Variants in CD36 observed in about 807,000 individuals in gnomAD.
CD36 encodes the protein platelet glycoprotein 4.
A neutral mutation model predicts 55.2 loss-of-function variants in CD36; 119 were observed. That is an observed-to-expected ratio of 2.15 (90% confidence interval 1.86 to 2.51). The LOEUF (loss-of-function observed/expected upper bound fraction) is 2.51. Ranked by LOEUF, CD36 falls within the 30% of genes most tolerant of loss-of-function variation. The pLI is 0.00. For missense variants in CD36, 819 were observed against 555.5 expected, an observed-to-expected ratio of 1.47 and a Z score of -4.77; for synonymous variants, 186 against 193.6, an observed-to-expected ratio of 0.96 and a Z score of 0.33.
intron 5 of CD36, chr7:80,662,585 CTTT>C (rs34614420): frequency 4.8e-4 from 94 of 197,106 alleles, no homozygotes; most frequent in Middle Eastern, 2.2e-3. Context: ...AGACTTATGG[CTTT>C]TTTTTTTTTT....
At chr7:80,666,877 A>G (rs1157729248) in intron 8 of CD36, among the ~76,000 whole-genome samples, 1 of 152,242 alleles carries the variant, frequency 6.6e-6, no homozygotes, top group African/African-American at 2.4e-5. Context: ...TAATTACAAA[A>G]TAGAAAACAT....
intron 3 of CD36, among the ~76,000 whole-genome samples, chr7:80,654,836 T>C (rs1795921099): frequency 6.7e-6 from 1 of 149,668 alleles, no homozygotes; most frequent in African/African-American, 2.5e-5. Context: ...CATGAAGATA[T>C]GAAACTTAAT....
chr7:80,673,606 A>AAAATGCATCTATTAAACAC, intron 13 of CD36, 197 bp downstream of exon 13: 1 of 572,784 alleles, frequency 1.7e-6, no homozygotes, highest in Non-Finnish European at 3.1e-6. Flanking sequence ...ATTTTCTTCA[A>AAAATGCATCTATTAAACAC]AAATGCATCT....
intron 1 of CD36, chr7:80,639,857 C>A (rs1484934388): frequency 1.3e-5 from 2 of 151,874 alleles, no homozygotes; most frequent in South Asian, 4.1e-4. Context: ...CATTAGTGAA[C>A]CAGAACAATA....
intron 1 of CD36, among the ~76,000 whole-genome samples, chr7:80,644,117 T>C (rs3212163): frequency 0.14 from 21,527 of 152,174 alleles, 2,255 homozygotes; most frequent in East Asian, 0.33. Context: ...AAATTCTATT[T>C]GACAATATCC....
chr7:80,647,732 A>G lies in CD36; in HGVS notation c.120+872A>G, dbSNP rs1315129527. The stretch of plus-strand genomic sequence containing the variant: ...AAATTTAAGGTGCCAAGAACAAGAT[A>G]AAATGAAGAACAGGAACTGCTGTGA... On this transcript the variant is annotated intron_variant, in intron 3 of 14. Transcript: ENST00000447544. 1.3e-5 allele frequency among the ~76,000 whole-genome samples: 2 copies of G among 152,198 alleles called. 1 individual carries two copies.
chr7:80,606,561 T>C (rs1792560443), intron 1 of CD36, among the ~76,000 whole-genome samples: 1 of 152,218 alleles, frequency 6.6e-6, no homozygotes, highest in Non-Finnish European at 1.5e-5. Flanking sequence ...CCAGTCTGCA[T>C]GCAAAACTTA....
At chr7:80,652,331 A>G (rs565908917) in intron 3 of CD36, among the ~76,000 whole-genome samples, 88 of 152,262 alleles carry the variant, frequency 5.8e-4, no homozygotes, top group Admixed American at 1.1e-3. Context: ...GTACTTACAT[A>G]AATTCTTGGA....
intron 1 of CD36, among the ~76,000 whole-genome samples, chr7:80,621,832 G>A (rs1207881213): frequency 6.6e-6 from 1 of 152,184 alleles, no homozygotes; most frequent in African/African-American, 2.4e-5. Context: ...ATAGTGGCAG[G>A]TCCCCACTGA....
intron 1 of CD36, among the ~76,000 whole-genome samples, chr7:80,609,371 G>T (rs1228249039): frequency 6.6e-6 from 1 of 152,078 alleles, no homozygotes; most frequent in African/African-American, 2.4e-5. Context: ...TCTGTACCCG[G>T]AGCTGTACAA....
At chr7:80,621,485 G>A (rs904884977) in intron 1 of CD36, among the ~76,000 whole-genome samples, 9 of 152,104 alleles carry the variant, frequency 5.9e-5, no homozygotes, top group Non-Finnish European at 1.0e-4. Flanking sequence ...TAGCTGACTC[G>A]TGGTAATAGG....
intron 5 of CD36, 58 bp downstream of exon 5, chr7:80,661,268 A>G: frequency 6.9e-7 from 1 of 1,447,674 alleles, no homozygotes; most frequent in Middle Eastern, 1.8e-4. Context: ...TCATGTAATT[A>G]ATCCTATCAT....
intron 3 of CD36, among the ~76,000 whole-genome samples, chr7:80,649,593 T>C (rs989823804): frequency 1.3e-5 from 2 of 152,048 alleles, no homozygotes; most frequent in African/African-American, 4.8e-5. Context: ...CAGTGAGTTA[T>C]TGATAGAAGG....
intron 5 of CD36, among the ~76,000 whole-genome samples, chr7:80,661,776 C>T (rs918232829): frequency 6.6e-6 from 1 of 152,132 alleles, no homozygotes; most frequent in African/African-American, 2.4e-5. Context: ...GGAATCACAA[C>T]TGTCAATATA....
intron 1 of CD36, among the ~76,000 whole-genome samples, chr7:80,606,616 A>T (rs1792563446): frequency 6.6e-6 from 1 of 152,152 alleles, no homozygotes; most frequent in South Asian, 2.1e-4. Flanking sequence ...TCTTTGCCGC[A>T]TGTACTGAGT....
upstream of CD36, among the ~76,000 whole-genome samples, chr7:80,634,612 T>C (rs542236329): frequency 2.6e-5 from 4 of 152,168 alleles, no homozygotes; most frequent in South Asian, 6.2e-4. Flanking sequence ...ACACGGGCCA[T>C]GTGATTCCTC....
rs910587488 is a variant in CD36, at chr7:80,677,906, T to C, written c.*1523T>C. 6.6e-6 allele frequency: 1 copy of C among 152,182 alleles called. No homozygotes were observed. Among genetic ancestry groups the C allele is most frequent in the Non-Finnish European group, 1.5e-5 (1 of 68,030 alleles). The allele number at this position is 152,182 out of a possible 1,614,324, so 9.4% of individuals were successfully genotyped here. On this transcript the variant is annotated 3_prime_UTR_variant, in exon 15 of 15. Transcript: ENST00000447544. ...GGTTTTGACCTATATGTCTTTAATA[T>C]TGTTTGAATACATGTATAATCTTTA...
At chr7:80,621,167 A>C (rs1273216889) in intron 1 of CD36, among the ~76,000 whole-genome samples, 2 of 152,144 alleles carry the variant, frequency 1.3e-5, no homozygotes, top group Non-Finnish European at 2.9e-5. Flanking sequence ...TTTAGCAATA[A>C]GGTATTTTAA....
At chr7:80,668,742 G>T (rs1797364427) in intron 8 of CD36, among the ~76,000 whole-genome samples, 1 of 152,116 alleles carries the variant, frequency 6.6e-6, no homozygotes, top group Non-Finnish European at 1.5e-5. Context: ...TATTTTACTT[G>T]TCACAAGAGT....
Sources: gnomAD v4.1 joint callset for allele counts (sites outside exome capture counted in the v4.1 genomes callset) on GRCh38, gnomAD v4.1.1 for gene constraint, MANE v1.5 for transcripts, NCBI Gene and HGNC (gene_info 2026-07-23, HGNC 2026-07-21) for gene names.